SFT2D1: variants seen among roughly 807,000 people sequenced by gnomAD.
SFT2D1 encodes the protein SFT2 domain containing 1.
Under a neutral mutation model 28.1 loss-of-function variants are expected in SFT2D1, and 24 were observed. The observed-to-expected ratio is 0.85, with a 90% CI of 0.62 to 1.20. The LOEUF (loss-of-function observed/expected upper bound fraction) is 1.20. SFT2D1 is among the 50% of genes most tolerant of loss of function. The pLI is 0.00. For synonymous variants in SFT2D1, 82 were observed against 73.7 expected (o/e 1.11, Z -0.58); for missense variants, 181 against 190.9 (o/e 0.95, Z 0.31).
chr6:166,341,448 TAAAA>T (rs35479577), intron 1 of SFT2D1, among the ~76,000 whole-genome samples: 2 of 128,480 alleles, frequency 1.6e-5, no homozygotes, highest in Non-Finnish European at 3.3e-5. Flanking sequence ...AGACTCCATC[TAAAA>T]AAAAAAAAAA....
intron 1 of SFT2D1, among the ~76,000 whole-genome samples, chr6:166,330,909 C>T (rs1778538155): frequency 6.6e-6 from 1 of 152,242 alleles, no homozygotes; most frequent in African/African-American, 2.4e-5. Flanking sequence ...TCACAGCACG[C>T]ACCAGACGGT....
intron 7 of SFT2D1, 41 bp from the exon 8 acceptor site, chr6:166,320,297 C>T (rs1410557662): frequency 6.4e-7 from 1 of 1,565,756 alleles, no homozygotes; most frequent in Admixed American, 1.8e-5. Context: ...TATAATATTC[C>T]TCAAAAGCAA....
At chr6:166,331,624 T>C (rs142302730) in intron 1 of SFT2D1, among the ~76,000 whole-genome samples, 129 of 152,338 alleles carry the variant, frequency 8.5e-4, no homozygotes, top group African/African-American at 3.0e-3. Flanking sequence ...TCAGGAAGAA[T>C]ATACACTAAG....
intron 6 of SFT2D1, chr6:166,324,172 T>C (rs537692431): frequency 1.6e-5 from 3 of 188,040 alleles, no homozygotes; most frequent in South Asian, 1.7e-4. Flanking sequence ...TATCCAGCAA[T>C]AGAGTGGAGA....
chr6:166,329,708 G>T, intron 2 of SFT2D1, 119 bp from the exon 3 acceptor site: 1 of 792,104 alleles, frequency 1.3e-6, no homozygotes, highest in Non-Finnish European at 1.9e-6. Flanking sequence ...ATACAAATCT[G>T]CTTGTAGACA....
At chr6:166,332,738 C>G (rs1033306827) in intron 1 of SFT2D1, among the ~76,000 whole-genome samples, 1 of 152,202 alleles carries the variant, frequency 6.6e-6, no homozygotes, top group Non-Finnish European at 1.5e-5. Context: ...AAGAGGAAGC[C>G]AAGAGAATAC....
intron 4 of SFT2D1, 83 bp downstream of exon 4, chr6:166,328,193 A>C: frequency 1.5e-6 from 1 of 656,938 alleles, no homozygotes; most frequent in Non-Finnish European, 2.4e-6. Flanking sequence ...AAAGAAGTAT[A>C]CATACATAAC....
intron 3 of SFT2D1, among the ~76,000 whole-genome samples, chr6:166,328,811 CAGTATTCTG>C (rs1778498002): frequency 6.6e-6 from 1 of 152,196 alleles, no homozygotes; most frequent in Non-Finnish European, 1.5e-5. Context: ...GCCCAGTCTA[CAGTATTCTG>C]TTACTGCAGC....
At chr6:166,342,376 C>T (rs1166019537) in intron 1 of SFT2D1, 43 bp downstream of exon 1, 1 of 1,525,916 alleles carries the variant, frequency 6.6e-7, no homozygotes, top group Non-Finnish European at 8.8e-7. Context: ...CGGCCGGGGC[C>T]AGCGGGCAGC....
At chr6:166,336,340 T>TA (rs1412981853) in intron 1 of SFT2D1, among the ~76,000 whole-genome samples, 2 of 152,216 alleles carry the variant, frequency 1.3e-5, no homozygotes, top group Non-Finnish European at 2.9e-5. Context: ...TTATTAGTTA[T>TA]AAAAATGATT....
chr6:166,330,210 A>C lies in SFT2D1; in HGVS notation c.101T>G (p.Leu34Trp). Residue 34 changes from leucine (L) to tryptophan (W), a missense_variant, in exon 2 of 8, where the codon TTG (leucine) becomes TGG (tryptophan). Transcript: ENST00000361731. ...DASSLSFNTR[L>W]KWFAICFVCG... is the part of the protein sequence containing the mutation. The stretch of plus-strand genomic sequence containing the variant: ...TACGAAGCAGATGGCAAACCATTTC[A>C]ATCTGGTGTTGAAACTAAGGGATGA... 1 of 1,607,364 alleles carries C rather than the reference A, an allele frequency of 6.2e-7. No homozygotes were observed. Among genetic ancestry groups the C allele is most frequent in the Non-Finnish European group, 8.5e-7 (1 of 1,178,006 alleles).
At chr6:166,327,951 C>T (rs1778480818) in intron 4 of SFT2D1, among the ~76,000 whole-genome samples, 1 of 152,096 alleles carries the variant, frequency 6.6e-6, no homozygotes. Flanking sequence ...GTGCATGCCA[C>T]CTCACCGGGC....
chr6:166,321,308 T>C (rs903913424), intron 7 of SFT2D1, among the ~76,000 whole-genome samples: 1 of 152,212 alleles, frequency 6.6e-6, no homozygotes, highest in African/African-American at 2.4e-5. Context: ...AGGCAAAATC[T>C]GTACATTGCT....
At chr6:166,340,822 TA>T (rs1778764427) in intron 1 of SFT2D1, among the ~76,000 whole-genome samples, 1 of 152,254 alleles carries the variant, frequency 6.6e-6, no homozygotes, top group Admixed American at 6.5e-5. Context: ...ATGTCAAACA[TA>T]TGCAGGAACT....
intron 7 of SFT2D1, 67 bp downstream of exon 7, chr6:166,322,790 T>G: frequency 2.3e-6 from 3 of 1,330,872 alleles, no homozygotes; most frequent in South Asian, 1.3e-5. Context: ...AAAAATTACT[T>G]AAATTCATAT....
chr6:166,335,563 T>C, intron 1 of SFT2D1: 3 of 407,714 alleles, frequency 7.4e-6, no homozygotes, highest in Non-Finnish European at 1.4e-5. Context: ...AACCCATTTA[T>C]GCCTGAGGTT....
At chr6:166,320,430 A>C (rs570938708) in intron 7 of SFT2D1, among the ~76,000 whole-genome samples, 174 bp from the exon 8 acceptor site, 1 of 152,376 alleles carries the variant, frequency 6.6e-6, no homozygotes, top group East Asian at 1.9e-4. Context: ...TAAGATTTGA[A>C]AACATTTTGC....
At chr6:166,336,878 C>T (rs539097272) in intron 1 of SFT2D1, among the ~76,000 whole-genome samples, 142 of 152,292 alleles carry the variant, frequency 9.3e-4, no homozygotes, top group African/African-American at 3.3e-3. Flanking sequence ...CCTGGGGCCT[C>T]TTTTTTAATA....
intron 5 of SFT2D1, among the ~76,000 whole-genome samples, chr6:166,325,612 T>A (rs1044027664): frequency 6.6e-6 from 1 of 152,236 alleles, no homozygotes; most frequent in African/African-American, 2.4e-5. Flanking sequence ...GCCTCACCAC[T>A]GCAGACTCAC....
Sources: gnomAD v4.1 joint callset for allele counts (sites outside exome capture counted in the v4.1 genomes callset) on GRCh38, gnomAD v4.1.1 for gene constraint, MANE v1.5 for transcripts, NCBI Gene and HGNC (gene_info 2026-07-23, HGNC 2026-07-21) for gene names.